The following RBFOX1 variants were observed in gnomAD, a reference collection of about 807,000 sequenced individuals.
RBFOX1 encodes RNA binding protein fox-1 homolog 1.
Under a neutral mutation model 57.7 loss-of-function variants are expected in RBFOX1, and 8 were observed. That is an observed-to-expected ratio of 0.14 (90% CI 0.08 to 0.25). The LOEUF (loss-of-function observed/expected upper bound fraction) is 0.25. RBFOX1 is among the 10% of genes least tolerant of loss of function. RBFOX1 has a pLI of 1.00. For synonymous variants in RBFOX1, 326 were observed against 222.4 expected (o/e 1.47, Z -4.15); for missense variants, 611 against 548.5 (o/e 1.11, Z -1.14).
chr16:7,214,516 A>T (rs927958526), intron 4 of RBFOX1, among the ~76,000 whole-genome samples: 3 of 151,774 alleles, frequency 2.0e-5, no homozygotes, highest in Non-Finnish European at 4.4e-5. Flanking sequence ...TCCAAACCTC[A>T]TCCGTCTCTC....
chr16:6,015,889 C>T (rs1189440124), upstream of RBFOX1, among the ~76,000 whole-genome samples: 1 of 152,178 alleles, frequency 6.6e-6, no homozygotes, highest in African/African-American at 2.4e-5. Flanking sequence ...GTACGCTTCT[C>T]GAGTGCAGAA....
At chr16:5,782,032 C>A (rs1171276333) in intron 3 of RBFOX1, among the ~76,000 whole-genome samples, 1 of 152,204 alleles carries the variant, frequency 6.6e-6, no homozygotes, top group Admixed American at 6.5e-5. Flanking sequence ...CATGGTGAAA[C>A]CCCGTCTCTA....
intron 2 of RBFOX1, among the ~76,000 whole-genome samples, chr16:6,651,909 A>C (rs927206488): frequency 6.6e-6 from 1 of 152,204 alleles, no homozygotes; most frequent in South Asian, 2.1e-4. Context: ...ATTCTAACAC[A>C]TGCTACCACA....
chr16:6,979,221 C>A (rs539919950), intron 3 of RBFOX1, among the ~76,000 whole-genome samples: 2 of 152,046 alleles, frequency 1.3e-5, no homozygotes, highest in Admixed American at 1.3e-4. Context: ...AGTTTTCCCA[C>A]CTGTAAGAGG....
chr16:5,819,591 A>G (rs1039035086), intron 3 of RBFOX1, among the ~76,000 whole-genome samples: 1 of 152,094 alleles, frequency 6.6e-6, no homozygotes, highest in East Asian at 1.9e-4. Flanking sequence ...ATCTTCTGCC[A>G]TTTACCTCTT....
At chr16:7,069,054 T>G (rs2056773256) in intron 4 of RBFOX1, among the ~76,000 whole-genome samples, 1 of 152,248 alleles carries the variant, frequency 6.6e-6, no homozygotes, top group Admixed American at 6.5e-5. Flanking sequence ...TGGATGTTTC[T>G]AAAGACTCTA....
intron 2 of RBFOX1, among the ~76,000 whole-genome samples, chr16:5,568,694 T>C (rs1203578280): frequency 6.6e-6 from 1 of 152,226 alleles, no homozygotes; most frequent in Non-Finnish European, 1.5e-5. Context: ...TTCTCTCTCA[T>C]CCGTATTCTT....
intron 2 of RBFOX1, among the ~76,000 whole-genome samples, chr16:6,546,749 G>A (rs984001039): frequency 1.3e-5 from 2 of 152,064 alleles, no homozygotes; most frequent in African/African-American, 4.8e-5. Flanking sequence ...TCTTTTTGAG[G>A]GGACATGATT....
chr16:7,263,721 C>G (rs1284213220), intron 4 of RBFOX1, among the ~76,000 whole-genome samples: 1 of 151,838 alleles, frequency 6.6e-6, no homozygotes, highest in African/African-American at 2.4e-5. Context: ...CATGGTGAAA[C>G]CCCATCTCTA....
intron 3 of RBFOX1, among the ~76,000 whole-genome samples, chr16:5,752,185 A>G (rs2053232171): frequency 6.6e-6 from 1 of 152,224 alleles, no homozygotes; most frequent in African/African-American, 2.4e-5. Flanking sequence ...AAAACCACAT[A>G]CTGCATGTTC....
intron 1 of RBFOX1, among the ~76,000 whole-genome samples, chr16:5,305,261 A>G (rs2063905132): frequency 6.6e-6 from 1 of 152,180 alleles, no homozygotes; most frequent in African/African-American, 2.4e-5. Flanking sequence ...CATGTTAAAG[A>G]GAGGTCAAGT....
intron 2 of RBFOX1, among the ~76,000 whole-genome samples, chr16:6,326,740 T>C (rs1228200167): frequency 6.6e-6 from 1 of 151,902 alleles, no homozygotes; most frequent in Non-Finnish European, 1.5e-5. Flanking sequence ...ACACTAATCA[T>C]AGGAGGCAAT....
chr16:7,201,199 A>G (rs888854842), intron 4 of RBFOX1, among the ~76,000 whole-genome samples: 2 of 152,320 alleles, frequency 1.3e-5, no homozygotes, highest in East Asian at 1.9e-4. Flanking sequence ...AAAGTCTGGT[A>G]TATGCACCTC....
chr16:5,727,181 T>G (rs1299131901), intron 3 of RBFOX1, among the ~76,000 whole-genome samples: 1 of 152,072 alleles, frequency 6.6e-6, no homozygotes, highest in Non-Finnish European at 1.5e-5. Flanking sequence ...GCAGGAGAAT[T>G]GCTTGAAGTG....
At chr16:7,394,003 A>G (rs1421491471) in intron 4 of RBFOX1, among the ~76,000 whole-genome samples, 1 of 152,092 alleles carries the variant, frequency 6.6e-6, no homozygotes, top group East Asian at 1.9e-4. Context: ...TGGGAGTCCA[A>G]GGTGGGCAGA....
chr16:6,198,086 T>C (rs1355761108), intron 1 of RBFOX1, among the ~76,000 whole-genome samples: 1 of 152,214 alleles, frequency 6.6e-6, no homozygotes, highest in Non-Finnish European at 1.5e-5. Flanking sequence ...TTAACTTGTC[T>C]ACATATTCAC....
intron 3 of RBFOX1, among the ~76,000 whole-genome samples, chr16:6,917,512 C>T (rs1411054093): frequency 1.3e-5 from 2 of 152,190 alleles, no homozygotes; most frequent in Non-Finnish European, 2.9e-5. Flanking sequence ...TTGGTAGAAA[C>T]ACTCTGTCCA....
At chr16:6,524,418 G>C (rs1305332190) in intron 2 of RBFOX1, among the ~76,000 whole-genome samples, 1 of 152,162 alleles carries the variant, frequency 6.6e-6, no homozygotes. Flanking sequence ...GTTATTTCCA[G>C]ATCTTTTTAT....
chr16:5,661,526 T>A (rs2049650252), intron 3 of RBFOX1, among the ~76,000 whole-genome samples: 1 of 152,250 alleles, frequency 6.6e-6, no homozygotes, highest in African/African-American at 2.4e-5. Context: ...TGTCTTTATC[T>A]ATTAAGTTTT....
Sources: allele counts gnomAD v4.1 joint callset (sites outside exome capture counted in the v4.1 genomes callset), GRCh38; gene constraint gnomAD v4.1.1; transcripts MANE v1.5; gene names NCBI Gene and HGNC (gene_info 2026-07-23, HGNC 2026-07-21).